The following RHOBTB3 variants were observed in gnomAD, a reference collection of about 807,000 sequenced individuals.
The protein encoded by RHOBTB3 is rho-related BTB domain-containing protein 3.
Under a neutral mutation model 67.2 loss-of-function variants are expected in RHOBTB3, and 47 were observed. That is an observed-to-expected ratio of 0.70 (90% CI 0.55 to 0.89). The LOEUF is 0.89. Ranked by LOEUF, RHOBTB3 falls within the 40% of genes least tolerant of loss-of-function variation. The pLI is 0.00. For missense variants in RHOBTB3, 631 were observed against 750.0 expected, an observed-to-expected ratio of 0.84 and a Z score of 1.85; for synonymous variants, 273 against 274.2, an observed-to-expected ratio of 1.00 and a Z score of 0.04.
At chr5:95,780,774 C>T (rs543072950) in intron 9 of RHOBTB3, among the ~76,000 whole-genome samples, 22 of 152,238 alleles carry the variant, frequency 1.4e-4, no homozygotes, top group Non-Finnish European at 2.5e-4. Context: ...TTACTTGGAG[C>T]GCTGTCTCTT....
In RHOBTB3 at chr5:95,752,318, A is replaced by G. The variant is rs1368357894; in HGVS notation, c.650A>G (p.His217Arg). Residue 217 changes from histidine to arginine, a missense_variant, in exon 5 of 12, where the codon CAT becomes CGT. Physicochemically the swap from His to Arg is conservative, Grantham distance 29 (BLOSUM62 0). Transcript: ENST00000379982. ...MKKRKMSNSF[H>R]GIRPPQLEQP... is the part of the protein sequence containing the mutation. ...AAAAGAAAAATGAGCAACTCCTTTC[A>G]TGGAATTAGACCACCTCAACTTGAA... 3 of 1,607,812 alleles carry G rather than the reference A, an allele frequency of 1.9e-6. No individual in the cohort carries two copies.
At chr5:95,732,944 C>A (rs1163158015) in intron 2 of RHOBTB3, among the ~76,000 whole-genome samples, 1 of 152,186 alleles carries the variant, frequency 6.6e-6, no homozygotes, top group South Asian at 2.1e-4. Context: ...CTAAATGTTA[C>A]ATTTAATAAC....
chr5:95,788,811 C>T lies in RHOBTB3; in HGVS notation c.1673C>T (p.Thr558Ile). The T allele has an allele frequency of 6.3e-7, 1 of 1,579,928 alleles. No individual in the cohort carries two copies. The highest frequency in any genetic ancestry group is 1.2e-5 in the South Asian group (1 of 83,324). The change falls in exon 11 of 12, where the codon ACT (threonine) becomes ATT (isoleucine). Residue 558 changes from threonine to isoleucine, a missense_variant. Thr to Ile is a moderately conservative substitution (Grantham distance 89). Coordinates refer to ENST00000379982, the MANE Select transcript of RHOBTB3 (RefSeq NM_014899.4). ...LSTWLLHFIA[T>I]NYLIFSQKPE... ...ACCTGGCTACTTCATTTCATTGCTA[C>T]TAACTACCTCATCTTCAGTCAAAAG... is the stretch of plus-strand genomic sequence containing the variant.
rs149612160 is a variant in RHOBTB3, at chr5:95,732,166, C to T, written c.228+82C>T. ...TTCCCCCTCCCCCTTCTGCCCACTT[C>T]CGTGAGTGTGGAGTGTCCGCGTTAC... On this transcript the variant is annotated intron_variant, in intron 2 of 11. Coordinates refer to ENST00000379982, the MANE Select transcript of RHOBTB3 (RefSeq NM_014899.4). 30 of 1,282,608 alleles carry T rather than the reference C, an allele frequency of 2.3e-5. No individual in the cohort carries two copies. In the African/African-American group the frequency reaches 3.8e-4, roughly 16 times the overall value. 79.5% of individuals were successfully genotyped at this position (1,282,608 alleles called of 1,614,324 possible). A position where few individuals can be genotyped will look rare whatever the true frequency, so the allele number is the denominator to read the frequency against.
chr5:95,773,408 C>CT (rs1431616687), intron 8 of RHOBTB3, among the ~76,000 whole-genome samples: 1 of 152,166 alleles, frequency 6.6e-6, no homozygotes, highest in Admixed American at 6.5e-5. Context: ...AGCAGCTTCT[C>CT]TAAGGCCAGC....
intron 6 of RHOBTB3, among the ~76,000 whole-genome samples, chr5:95,761,266 C>G (rs569974626): frequency 6.6e-6 from 1 of 151,452 alleles, no homozygotes; most frequent in South Asian, 2.1e-4. Context: ...ATAAAAAATA[C>G]TTACATGTTC....
At chr5:95,756,651 C>T (rs1244461167) in intron 6 of RHOBTB3, among the ~76,000 whole-genome samples, 1 of 152,162 alleles carries the variant, frequency 6.6e-6, no homozygotes, top group Non-Finnish European at 1.5e-5. Context: ...AATTTCTCCA[C>T]ATCCTTGCCA....
rs923433122 is a variant in RHOBTB3, at chr5:95,751,032, G to A, written c.571-1207G>A. Among the ~76,000 whole-genome samples, 6 of 152,264 alleles carry A rather than the reference G, an allele frequency of 3.9e-5. No individual in the cohort carries two copies. The South Asian group carries it at 1.0e-3, about 26-fold the overall frequency. On this transcript the variant is annotated intron_variant, in intron 4 of 11. Coordinates refer to ENST00000379982, the MANE Select transcript of RHOBTB3 (RefSeq NM_014899.4). ...ACAGTTTGTTTTCTTGATTTACAGC[G>A]TTTAAATATTTAGGTGTGTGGTGGG...
At position 95,736,937 on chromosome 5, in the gene RHOBTB3, G is replaced by T; in HGVS notation, c.277G>T (p.Ala93Ser). 6.2e-7 allele frequency: 1 copy of T among 1,611,688 alleles called. No homozygotes were observed. The highest frequency in any genetic ancestry group is 8.5e-7 in the Non-Finnish European group (1 of 1,179,160). Residue 93 changes from alanine to serine, a missense_variant, in exon 3 of 12, where the codon GCT (alanine) becomes TCT (serine). Transcript: ENST00000379982. ...WYTSRNLIGG[A>S]DIIVIKYNVN... ...CACTTCTCGAAATCTAATTGGGGGC[G>T]CTGACATCATTGTGATCAAATACAA...
chr5:95,785,794 A>C (rs970422608), intron 10 of RHOBTB3, among the ~76,000 whole-genome samples: 10 of 152,156 alleles, frequency 6.6e-5, no homozygotes, highest in Non-Finnish European at 1.5e-4. Context: ...ATTGGACACA[A>C]GTTTCTTTTT....
At chr5:95,761,890 C>T (rs1157199316) in intron 6 of RHOBTB3, among the ~76,000 whole-genome samples, 1 of 152,192 alleles carries the variant, frequency 6.6e-6, no homozygotes, top group African/African-American at 2.4e-5. Context: ...TCTGGTCATA[C>T]AATCCCAAGA....
At chr5:95,738,313 C>A (rs539050889) in intron 3 of RHOBTB3, among the ~76,000 whole-genome samples, 8 of 152,184 alleles carry the variant, frequency 5.3e-5, no homozygotes, top group African/African-American at 1.9e-4. Context: ...TTCCTGAGTC[C>A]ATTTCCTATT....
intron 3 of RHOBTB3, among the ~76,000 whole-genome samples, chr5:95,741,125 G>A (rs894965804): frequency 6.6e-6 from 1 of 152,058 alleles, no homozygotes; most frequent in African/African-American, 2.4e-5. Flanking sequence ...TCAGGAGATC[G>A]AGACCATCCT....
intron 6 of RHOBTB3, 135 bp from the exon 7 acceptor site, chr5:95,763,373 A>G: frequency 1.7e-6 from 1 of 602,114 alleles, no homozygotes; most frequent in East Asian, 2.8e-5. Flanking sequence ...ATGTTTTAGT[A>G]TAGTTATAAG....
intron 3 of RHOBTB3, among the ~76,000 whole-genome samples, chr5:95,747,298 C>T (rs72783457): frequency 0.035 from 5,303 of 152,286 alleles, 126 homozygotes; most frequent in East Asian, 0.096. Flanking sequence ...TCCAACAGTA[C>T]TGCAATTCCA....
At chr5:95,779,567 G>A (rs986825713) in intron 8 of RHOBTB3, among the ~76,000 whole-genome samples, 2 of 152,192 alleles carry the variant, frequency 1.3e-5, no homozygotes, top group African/African-American at 4.8e-5. Flanking sequence ...TCAGTGAGCA[G>A]TATGGGCTGA....
chr5:95,745,447 G>T (rs1179997580), intron 3 of RHOBTB3, among the ~76,000 whole-genome samples: 1 of 152,030 alleles, frequency 6.6e-6, no homozygotes, highest in African/African-American at 2.4e-5. Flanking sequence ...ATAGGTTTAA[G>T]CTCCCAAAGA....
intron 3 of RHOBTB3, among the ~76,000 whole-genome samples, 157 bp downstream of exon 3, chr5:95,737,232 A>T (rs1755475546): frequency 6.6e-6 from 1 of 152,210 alleles, no homozygotes; most frequent in Non-Finnish European, 1.5e-5. Flanking sequence ...TGATACGATA[A>T]AAAAACAACA....
chr5:95,736,226 T>A (rs1421366034), intron 2 of RHOBTB3, among the ~76,000 whole-genome samples: 1 of 152,254 alleles, frequency 6.6e-6, no homozygotes, highest in Admixed American at 6.5e-5. Flanking sequence ...TATCCTGAAT[T>A]TTTAATTTAT....
Sources: allele counts gnomAD v4.1 joint callset (sites outside exome capture counted in the v4.1 genomes callset), GRCh38; gene constraint gnomAD v4.1.1; transcripts MANE v1.5; gene names NCBI Gene and HGNC (gene_info 2026-07-23, HGNC 2026-07-21).